RIMS2: variants seen among roughly 807,000 people sequenced by gnomAD.
RIMS2 encodes the protein regulating synaptic membrane exocytosis 2.
RIMS2 carries 59 observed loss-of-function variants against 174.4 expected under a neutral mutation model. The ratio of observed to expected loss-of-function variants is 0.34; its 90% CI spans 0.27 to 0.42. RIMS2 has a LOEUF of 0.42. Ranked by LOEUF, RIMS2 falls within the 10% of genes least tolerant of loss-of-function variation. The pLI is 1.00. For missense variants in RIMS2, 1,620 were observed against 1,666.3 expected, an observed-to-expected ratio of 0.97 and a Z score of 0.48; for synonymous variants, 606 against 572.5, an observed-to-expected ratio of 1.06 and a Z score of -0.84.
At chr8:103,528,101 C>T (rs199882062) in intron 1 of RIMS2, among the ~76,000 whole-genome samples, 3 of 152,044 alleles carry the variant, frequency 2.0e-5, no homozygotes, top group African/African-American at 4.8e-5. Context: ...TGTGAGATGG[C>T]ATCTCATTGT....
At chr8:103,876,362 C>G (rs1176190265) in intron 3 of RIMS2, among the ~76,000 whole-genome samples, 1 of 151,430 alleles carries the variant, frequency 6.6e-6, no homozygotes, top group African/African-American at 2.4e-5. Context: ...AACAAGGTAT[C>G]CCTTCCCCAG....
chr8:103,672,054 G>A (rs983317585), intron 1 of RIMS2, among the ~76,000 whole-genome samples: 7 of 152,048 alleles, frequency 4.6e-5, no homozygotes, highest in Non-Finnish European at 8.8e-5. Flanking sequence ...AATTAAAACA[G>A]GATCACTAGT....
chr8:103,762,708 T>C (rs893927362), intron 2 of RIMS2, among the ~76,000 whole-genome samples: 1 of 152,166 alleles, frequency 6.6e-6, no homozygotes, highest in Non-Finnish European at 1.5e-5. Flanking sequence ...ATGATGGAGA[T>C]ACAGCCCAAG....
At chr8:103,830,122 A>T (rs1311196984) in intron 3 of RIMS2, among the ~76,000 whole-genome samples, 2 of 151,830 alleles carry the variant, frequency 1.3e-5, no homozygotes, top group Non-Finnish European at 2.9e-5. Flanking sequence ...TTATTTTGTG[A>T]TGTGTGATCT....
intron 19 of RIMS2, among the ~76,000 whole-genome samples, chr8:104,031,084 T>C (rs187491567): frequency 2.2e-4 from 33 of 152,308 alleles, no homozygotes; most frequent in Admixed American, 2.2e-3. Context: ...TATTCAATGA[T>C]ACCAAGCTGT....
intron 2 of RIMS2, among the ~76,000 whole-genome samples, chr8:103,734,982 A>T (rs2097666960): frequency 6.6e-6 from 1 of 152,160 alleles, no homozygotes; most frequent in South Asian, 2.1e-4. Flanking sequence ...GTAAGGGATC[A>T]TGGAAAATAG....
chr8:103,614,484 A>G (rs1192180733), intron 1 of RIMS2, among the ~76,000 whole-genome samples: 1 of 152,252 alleles, frequency 6.6e-6, no homozygotes. Flanking sequence ...ATTCAAAGTT[A>G]AAGCCAGTTA....
chr8:103,631,540 G>C (rs761045525), intron 1 of RIMS2, among the ~76,000 whole-genome samples: 3 of 152,200 alleles, frequency 2.0e-5, no homozygotes, highest in Non-Finnish European at 4.4e-5. Flanking sequence ...TAGCCTTGTA[G>C]TATAGTTCAA....
intron 1 of RIMS2, among the ~76,000 whole-genome samples, chr8:103,564,867 C>T (rs1467316783): frequency 6.6e-6 from 1 of 152,188 alleles, no homozygotes; most frequent in East Asian, 1.9e-4. Context: ...CAAGTTGACA[C>T]TCAACCATCA....
intron 1 of RIMS2, among the ~76,000 whole-genome samples, chr8:103,578,848 C>G (rs557740851): frequency 1.3e-5 from 2 of 151,438 alleles, no homozygotes; most frequent in South Asian, 4.2e-4. Context: ...AAAAATTAGC[C>G]GGGCATGGTG....
chr8:104,024,210 G>T (rs1291950462), intron 19 of RIMS2, among the ~76,000 whole-genome samples: 3 of 152,164 alleles, frequency 2.0e-5, no homozygotes, highest in Admixed American at 2.0e-4. Flanking sequence ...TCTGATCCAG[G>T]TCTGCCACTT....
At chr8:103,828,801 G>A (rs993582092) in intron 3 of RIMS2, among the ~76,000 whole-genome samples, 1 of 152,058 alleles carries the variant, frequency 6.6e-6, no homozygotes, top group African/African-American at 2.4e-5. Flanking sequence ...AGTTATATCA[G>A]CATTATTTAT....
chr8:103,688,966 C>CT (rs1407225199), intron 1 of RIMS2, among the ~76,000 whole-genome samples: 3 of 151,834 alleles, frequency 2.0e-5, no homozygotes, highest in African/African-American at 7.2e-5. Flanking sequence ...GATCTCTCTT[C>CT]TTTTTTTGAT....
At chr8:104,223,255 C>T in intron 19 of RIMS2, 1 of 530,310 alleles carries the variant, frequency 1.9e-6, no homozygotes, top group Non-Finnish European at 2.4e-6. Flanking sequence ...TGCAGCCGCG[C>T]CGCCACCTCC....
At chr8:103,586,756 A>G (rs923336391) in intron 1 of RIMS2, among the ~76,000 whole-genome samples, 4 of 152,142 alleles carry the variant, frequency 2.6e-5, no homozygotes, top group Non-Finnish European at 5.9e-5. Context: ...GTAGAAATCA[A>G]TGGAATTGAA....
At chr8:104,149,504 C>T (rs915651119) in intron 19 of RIMS2, among the ~76,000 whole-genome samples, 1 of 152,178 alleles carries the variant, frequency 6.6e-6, no homozygotes, top group Non-Finnish European at 1.5e-5. Flanking sequence ...AACACTCCTA[C>T]TCAGAAAAGC....
chr8:103,661,628 C>G (rs539879777), intron 1 of RIMS2, among the ~76,000 whole-genome samples: 1 of 152,062 alleles, frequency 6.6e-6, no homozygotes, highest in Non-Finnish European at 1.5e-5. Context: ...CTCAGCCTCC[C>G]GAGTAGCTGG....
At chr8:103,568,874 AT>A in intron 1 of RIMS2, 3 of 1,155,874 alleles carry the variant, frequency 2.6e-6, no homozygotes. Flanking sequence ...CTGTCTGAAT[AT>A]TATTAAAAGA....
At chr8:103,977,909 C>G (rs2093586455) in intron 16 of RIMS2, among the ~76,000 whole-genome samples, 1 of 152,132 alleles carries the variant, frequency 6.6e-6, no homozygotes, top group South Asian at 2.1e-4. Context: ...AAATCTTGTT[C>G]AAAAGTTTCT....
Sources: allele counts gnomAD v4.1 joint callset (sites outside exome capture counted in the v4.1 genomes callset), GRCh38; gene constraint gnomAD v4.1.1; transcripts MANE v1.5; gene names NCBI Gene and HGNC (gene_info 2026-07-23, HGNC 2026-07-21).